Variants in CDC14B observed in about 807,000 individuals in gnomAD.
CDC14B encodes the protein cell division cycle 14B.
A neutral mutation model predicts 64.2 loss-of-function variants in CDC14B; 22 were observed. The ratio of observed to expected loss-of-function variants is 0.34; its 90% confidence interval spans 0.24 to 0.49. CDC14B has a LOEUF of 0.49. Ranked by LOEUF, CDC14B falls within the 20% of genes least tolerant of loss-of-function variation. The pLI is 0.99. For missense variants in CDC14B, 498 were observed against 629.9 expected (o/e 0.79, Z 2.24); for synonymous variants, 191 against 215.8 (o/e 0.89, Z 1.01).
intron 7 of CDC14B, among the ~76,000 whole-genome samples, chr9:96,536,882 T>C (rs1334704792): frequency 6.6e-6 from 1 of 151,868 alleles, no homozygotes; most frequent in Non-Finnish European, 1.5e-5. Context: ...AGGATAAAGC[T>C]GTAGAATCAA....
In CDC14B at chr9:96,575,861, T is replaced by C. The variant is rs186422400; in HGVS notation, c.161-10378A>G. On this transcript the variant is annotated intron_variant, in intron 1 of 13. Coordinates refer to ENST00000375241, the MANE Select transcript of CDC14B (RefSeq NM_033331.4). Reference sequence around the variant, plus strand: ...AAAACCCCAAAAAGTCCTCAAGCTATATGTTTAATAAAGACAATAAAAACA... The same window carrying C: ...AAAACCCCAAAAAGTCCTCAAGCTACATGTTTAATAAAGACAATAAAAACA... Among the ~76,000 whole-genome samples the C allele has an allele frequency of 8.5e-5, 13 of 152,262 alleles. No individual in the cohort carries two copies. The East Asian group carries it at 2.5e-3, about 29-fold the overall frequency.
At chr9:96,498,166 C>T (rs920910679), downstream of CDC14B, among the ~76,000 whole-genome samples, 3 of 152,160 alleles carry the variant, frequency 2.0e-5, no homozygotes, top group Non-Finnish European at 4.4e-5. Flanking sequence ...TCCCTAGATG[C>T]TCCTTTCCAA....
chr9:96,491,388 C>CAT (rs1259472907), exon 14 of CDC14B: 1 of 152,200 alleles, frequency 6.6e-6, no homozygotes, highest in African/African-American at 2.4e-5. Context: ...AGCAGTCGGT[C>CAT]ATGATTTTGT....
intron 1 of CDC14B, among the ~76,000 whole-genome samples, chr9:96,609,019 C>T (rs1003096564): frequency 6.6e-6 from 1 of 152,118 alleles, no homozygotes; most frequent in African/African-American, 2.4e-5. Context: ...TTCACCCAGG[C>T]TGGAGTGCAG....
chr9:96,502,909 A>T lies in CDC14B; in HGVS notation c.*844T>A. On this transcript the variant is annotated 3_prime_UTR_variant, in exon 14 of 14. Transcript: ENST00000375241. ...GGGATTGCTGTTTCCAAGGGGAAAA[A>T]CCAATAGTGTGTTTCTTCCATTCAT... The T allele has an allele frequency of 2.5e-6, 1 of 398,462 alleles. No homozygotes were observed. The highest frequency in any genetic ancestry group is 4.4e-6 in the Non-Finnish European group (1 of 226,014). 24.7% of individuals were successfully genotyped at this position (398,462 alleles called of 1,614,324 possible).
intron 1 of CDC14B, among the ~76,000 whole-genome samples, chr9:96,601,225 G>A (rs1209495503): frequency 1.3e-5 from 2 of 152,134 alleles, no homozygotes; most frequent in African/African-American, 4.8e-5. Flanking sequence ...GGGGCCAGGT[G>A]TGGTGGCTCA....
At chr9:96,543,265 C>T (rs1011317295) in intron 5 of CDC14B, among the ~76,000 whole-genome samples, 3 of 150,162 alleles carry the variant, frequency 2.0e-5, no homozygotes, top group Admixed American at 6.7e-5. Context: ...AACCCGGAGG[C>T]GGAGCTTGCA....
At chr9:96,526,754 A>G (rs1430920437) in intron 9 of CDC14B, among the ~76,000 whole-genome samples, 1 of 152,120 alleles carries the variant, frequency 6.6e-6, no homozygotes, top group Non-Finnish European at 1.5e-5. Flanking sequence ...GAGGCTGGAT[A>G]ATTATTTATA....
chr9:96,505,280 C>G (rs1399194771), intron 13 of CDC14B, among the ~76,000 whole-genome samples: 1 of 152,086 alleles, frequency 6.6e-6, no homozygotes, highest in Non-Finnish European at 1.5e-5. Context: ...CTCCAGAGCC[C>G]CGGACCTTAG....
chr9:96,560,484 A>T (rs1408019874), intron 4 of CDC14B, among the ~76,000 whole-genome samples: 1 of 152,068 alleles, frequency 6.6e-6, no homozygotes, highest in Non-Finnish European at 1.5e-5. Context: ...TCCTCTCCCC[A>T]GTGACTGGCC....
At chr9:96,520,885 C>T (rs773842914) in intron 12 of CDC14B, among the ~76,000 whole-genome samples, 4 of 147,436 alleles carry the variant, frequency 2.7e-5, no homozygotes, top group Non-Finnish European at 5.9e-5. Context: ...GTCTGAGAAG[C>T]ACTGCTCGAG....
At chr9:96,493,492 A>G (rs185545667) in intron 13 of CDC14B, among the ~76,000 whole-genome samples, 1 of 152,362 alleles carries the variant, frequency 6.6e-6, no homozygotes, top group African/African-American at 2.4e-5. Context: ...GGAAGAAAAA[A>G]TGCAGGGATA....
In CDC14B at chr9:96,517,376, G is replaced by C. The variant is rs1258758316; in HGVS notation, c.1343+5130C>G. On this transcript the variant is annotated intron_variant, in intron 12 of 13. Transcript: ENST00000375241. ...AAAAAATAAAAAAAAATAAAGGCCGGGCGTGGTGGCTCACACCTGTAATCC... is the reference window on the plus strand; with the variant it reads ...AAAAAATAAAAAAAAATAAAGGCCGCGCGTGGTGGCTCACACCTGTAATCC... 4.1e-5 allele frequency among the ~76,000 whole-genome samples: 6 copies of C among 147,964 alleles called. No individual in the cohort carries two copies. The South Asian group carries it at 1.1e-3, about 26-fold the overall frequency.
At chr9:96,566,620 G>T in intron 1 of CDC14B, 1 of 737,818 alleles carries the variant, frequency 1.4e-6, no homozygotes, top group Non-Finnish European at 2.3e-6. Context: ...GTAGCCCAGA[G>T]CCTGGGGACA....
intron 13 of CDC14B, among the ~76,000 whole-genome samples, chr9:96,504,868 C>T (rs905965110): frequency 3.9e-5 from 6 of 152,104 alleles, no homozygotes; most frequent in Non-Finnish European, 7.3e-5. Context: ...TGAAAACACT[C>T]GTGGTTTTAG....
intron 3 of CDC14B, 40 bp downstream of exon 3, chr9:96,564,737 G>T: frequency 7.9e-7 from 1 of 1,265,460 alleles, no homozygotes; most frequent in Non-Finnish European, 1.1e-6. Context: ...CCCAGATCAA[G>T]CTAACAATGA....
chr9:96,612,057 A>AAC (rs931247373), intron 1 of CDC14B, among the ~76,000 whole-genome samples: 1 of 152,362 alleles, frequency 6.6e-6, no homozygotes, highest in African/African-American at 2.4e-5. Flanking sequence ...AGAATGAAGT[A>AAC]ACAGCTTTGG....
At chr9:96,519,511 G>A (rs1044999542) in intron 12 of CDC14B, among the ~76,000 whole-genome samples, 11 of 151,976 alleles carry the variant, frequency 7.2e-5, no homozygotes, top group South Asian at 2.1e-4. Flanking sequence ...TGAGGTGGGT[G>A]TACCACTTGA....
intron 1 of CDC14B, among the ~76,000 whole-genome samples, chr9:96,604,346 TTATTA>T (rs577891242): frequency 0.1 from 5,121 of 51,248 alleles, 314 homozygotes; most frequent in African/African-American, 0.25. Flanking sequence ...CTTGCATTTA[TTATTA>T]TTATTATTAT....
Sources: gnomAD v4.1 joint callset for allele counts (sites outside exome capture counted in the v4.1 genomes callset) on GRCh38, gnomAD v4.1.1 for gene constraint, MANE v1.5 for transcripts, NCBI Gene and HGNC (gene_info 2026-07-23, HGNC 2026-07-21) for gene names.